Variants in FHIT observed in about 807,000 individuals in gnomAD.
FHIT encodes the protein bis(5'-adenosyl)-triphosphatase.
FHIT carries 19 observed loss-of-function variants against 17.9 expected under a neutral mutation model. That is an observed-to-expected ratio of 1.06 (90% CI 0.74 to 1.56). The LOEUF (loss-of-function observed/expected upper bound fraction) is 1.56. Ranked by LOEUF, FHIT falls within the 40% of genes most tolerant of loss-of-function variation. FHIT has a pLI of 0.00. For synonymous variants in FHIT, 81 were observed against 69.7 expected (o/e 1.16, Z -0.81); for missense variants, 248 against 189.2 (o/e 1.31, Z -1.82).
chr3:60,859,167 G>C (rs750333439), intron 3 of FHIT, among the ~76,000 whole-genome samples: 1 of 152,054 alleles, frequency 6.6e-6, no homozygotes, highest in Non-Finnish European at 1.5e-5. Flanking sequence ...ATCCCAATAG[G>C]AGTATCGAAT....
chr3:60,792,666 A>T (rs1339021538), intron 4 of FHIT, among the ~76,000 whole-genome samples: 1 of 152,096 alleles, frequency 6.6e-6, no homozygotes, highest in African/African-American at 2.4e-5. Context: ...TGAACTCTGG[A>T]CTCAGAGGCA....
chr3:60,682,214 G>C (rs150237062), intron 4 of FHIT, among the ~76,000 whole-genome samples: 1 of 152,036 alleles, frequency 6.6e-6, no homozygotes, highest in Non-Finnish European at 1.5e-5. Context: ...CTCATTATTT[G>C]CCTGCCTCGG....
intron 8 of FHIT, among the ~76,000 whole-genome samples, chr3:59,784,547 T>C (rs1702749973): frequency 6.6e-6 from 1 of 152,216 alleles, no homozygotes; most frequent in Non-Finnish European, 1.5e-5. Context: ...CCTCCCAGAG[T>C]GTGGGACACT....
At position 60,332,770 on chromosome 3, in the gene FHIT, C is replaced by G. The variant is rs145006752; in HGVS notation, c.103+204090G>C. Among the ~76,000 whole-genome samples, 735 of 152,262 alleles carry G rather than the reference C, an allele frequency of 4.8e-3. 4 individuals carry two copies. Among genetic ancestry groups the G allele is most frequent in the African/African-American group, 0.017 (690 of 41,542 alleles). Reference sequence around the variant, plus strand: ...CCTTGATTTCCCCCACCACTCCATCCCTATCACAACCAAGAATTTGTTCTC... The same window carrying G: ...CCTTGATTTCCCCCACCACTCCATCGCTATCACAACCAAGAATTTGTTCTC... On this transcript the variant is annotated intron_variant, in intron 5 of 9. Transcript: ENST00000492590.
chr3:60,376,215 A>G (rs1326747215), intron 5 of FHIT, among the ~76,000 whole-genome samples: 1 of 152,200 alleles, frequency 6.6e-6, no homozygotes, highest in Non-Finnish European at 1.5e-5. Context: ...ACAAAAGCCC[A>G]TGCTTGACAC....
intron 5 of FHIT, among the ~76,000 whole-genome samples, chr3:60,104,699 A>C (rs576555623): frequency 2.6e-5 from 4 of 152,140 alleles, no homozygotes; most frequent in Admixed American, 6.5e-5. Flanking sequence ...AGAGAAACTG[A>C]AAGTTTTTTA....
At chr3:59,963,180 T>A (rs1170656343) in intron 7 of FHIT, among the ~76,000 whole-genome samples, 1 of 151,922 alleles carries the variant, frequency 6.6e-6, no homozygotes, top group Admixed American at 6.6e-5. Flanking sequence ...GGCAGCAGAA[T>A]GGCGTGAACC....
At position 61,124,245 on chromosome 3, in the gene FHIT, A is replaced by G. The variant is rs540991817; in HGVS notation, c.-164+76372T>C. On this transcript the variant is annotated intron_variant, in intron 2 of 9. Transcript: ENST00000492590. ...ATGTATCATGAGTGTATGATTGCCTATGCATGAGTTCAGTATTAAGAAATA... is the reference window on the plus strand; with the variant it reads ...ATGTATCATGAGTGTATGATTGCCTGTGCATGAGTTCAGTATTAAGAAATA... 5.8e-4 allele frequency among the ~76,000 whole-genome samples: 88 copies of G among 152,318 alleles called. No individual in the cohort carries two copies. In the South Asian group the frequency reaches 0.017, roughly 30 times the overall value.
intron 4 of FHIT, among the ~76,000 whole-genome samples, chr3:60,683,521 A>G (rs2040798029): frequency 1.6e-5 from 1 of 62,206 alleles, no homozygotes; most frequent in Non-Finnish European, 4.4e-5. Flanking sequence ...TTTTTAAATT[A>G]AGATAACATA....
intron 3 of FHIT, chr3:60,912,858 C>T (rs188314333): frequency 8.7e-5 from 42 of 482,144 alleles, no homozygotes; most frequent in Non-Finnish European, 1.4e-4. Context: ...TTTAATCACC[C>T]CTTTGAGTCA....
At chr3:60,161,909 G>A (rs1485556929) in intron 5 of FHIT, among the ~76,000 whole-genome samples, 1 of 152,102 alleles carries the variant, frequency 6.6e-6, no homozygotes, top group East Asian at 1.9e-4. Context: ...CCTTCAATGG[G>A]CACAAGTAGA....
At chr3:60,958,151 A>T (rs62267340) in intron 3 of FHIT, among the ~76,000 whole-genome samples, 33,463 of 152,132 alleles carry the variant, frequency 0.22, 4,098 homozygotes, top group African/African-American at 0.33. Flanking sequence ...ATCTGTGCTT[A>T]TATTTAAGCT....
intron 5 of FHIT, among the ~76,000 whole-genome samples, chr3:60,189,223 A>C (rs1702292699): frequency 6.6e-6 from 1 of 151,920 alleles, no homozygotes; most frequent in Non-Finnish European, 1.5e-5. Flanking sequence ...ACAGGTGTTC[A>C]ATTTAGAAGC....
intron 5 of FHIT, among the ~76,000 whole-genome samples, chr3:60,487,263 G>A (rs1354259647): frequency 6.6e-6 from 1 of 152,172 alleles, no homozygotes; most frequent in Non-Finnish European, 1.5e-5. Flanking sequence ...AGAGCCTCGT[G>A]AAGGAAAGCA....
intron 7 of FHIT, among the ~76,000 whole-genome samples, chr3:59,991,377 G>T (rs978708984): frequency 6.6e-6 from 1 of 152,002 alleles, no homozygotes; most frequent in African/African-American, 2.4e-5. Context: ...GTGTGTGTTT[G>T]ACTTGTTTTG....
chr3:59,813,207 T>G (rs143457768), intron 8 of FHIT, among the ~76,000 whole-genome samples: 1 of 152,236 alleles, frequency 6.6e-6, no homozygotes, highest in Non-Finnish European at 1.5e-5. Context: ...CTCCCTAGGC[T>G]TATAAGCATT....
chr3:60,744,284 CAGAA>C (rs1392665296), intron 4 of FHIT, among the ~76,000 whole-genome samples: 3 of 73,642 alleles, frequency 4.1e-5, no homozygotes, highest in African/African-American at 5.4e-5. Flanking sequence ...AAAAAAAAAA[CAGAA>C]AGAAAAGAAA....
At chr3:60,761,157 T>C (rs2108053467) in intron 4 of FHIT, among the ~76,000 whole-genome samples, 1 of 152,304 alleles carries the variant, frequency 6.6e-6, no homozygotes, top group South Asian at 2.1e-4. Context: ...TTCCTGCCAC[T>C]CTTTTGTAAT....
chr3:60,569,419 A>C (rs779050528), intron 4 of FHIT, among the ~76,000 whole-genome samples: 1 of 152,052 alleles, frequency 6.6e-6, no homozygotes, highest in Non-Finnish European at 1.5e-5. Context: ...TTATTTTGCA[A>C]ATTAGATCCA....
Sources: allele counts gnomAD v4.1 joint callset (sites outside exome capture counted in the v4.1 genomes callset), GRCh38; gene constraint gnomAD v4.1.1; transcripts MANE v1.5; gene names NCBI Gene and HGNC (gene_info 2026-07-23, HGNC 2026-07-21).